EXOC4: variants seen among roughly 807,000 people sequenced by gnomAD.
The protein encoded by EXOC4 is SEC8-like 1.
In EXOC4, 71 loss-of-function variants were observed where a neutral mutation model predicts 107.2. The observed-to-expected ratio is 0.66, with a 90% CI of 0.55 to 0.81. EXOC4 has a LOEUF of 0.81. Among genes scored for constraint, EXOC4 ranks in the 30% least tolerant of loss-of-function variants. The pLI is 0.00. For missense variants in EXOC4, 1,108 were observed against 1,189.6 expected (o/e 0.93, Z 1.01); for synonymous variants, 456 against 441.2 (o/e 1.03, Z -0.42).
intron 9 of EXOC4, among the ~76,000 whole-genome samples, chr7:133,490,280 A>T (rs150526846): frequency 6.6e-6 from 1 of 152,290 alleles, no homozygotes; most frequent in Non-Finnish European, 1.5e-5. Context: ...TTCATGTTAC[A>T]TGCAGCCCTA....
At chr7:133,262,414 G>T (rs767926095) in intron 1 of EXOC4, among the ~76,000 whole-genome samples, 2 of 151,632 alleles carry the variant, frequency 1.3e-5, no homozygotes, top group Non-Finnish European at 2.9e-5. Context: ...ACATAGGTGT[G>T]TACAGTTTAA....
chr7:133,605,208 T>G (rs1231413468), intron 9 of EXOC4, among the ~76,000 whole-genome samples: 2 of 152,244 alleles, frequency 1.3e-5, no homozygotes, highest in Non-Finnish European at 2.9e-5. Flanking sequence ...CACACTATTG[T>G]CAGACTCTGC....
intron 9 of EXOC4, among the ~76,000 whole-genome samples, chr7:133,508,233 G>A (rs946636634): frequency 2.5e-4 from 38 of 152,002 alleles, no homozygotes; most frequent in African/African-American, 8.7e-4. Context: ...AGTATTTCCC[G>A]AGACAGTGTT....
At chr7:133,716,517 TA>T (rs1477507537) in intron 10 of EXOC4, among the ~76,000 whole-genome samples, 1 of 152,224 alleles carries the variant, frequency 6.6e-6, no homozygotes, top group Non-Finnish European at 1.5e-5. Context: ...CTTGAAAACA[TA>T]AAATGGTTTT....
intron 4 of EXOC4, among the ~76,000 whole-genome samples, 197 bp downstream of exon 4, chr7:133,306,258 T>C (rs1348926686): frequency 6.6e-6 from 1 of 152,218 alleles, no homozygotes; most frequent in Non-Finnish European, 1.5e-5. Context: ...ATTCATTCAT[T>C]CTACATTTAT....
At chr7:133,786,458 A>G (rs1315830716) in intron 10 of EXOC4, among the ~76,000 whole-genome samples, 1 of 152,208 alleles carries the variant, frequency 6.6e-6, no homozygotes, top group East Asian at 1.9e-4. Flanking sequence ...CCACCCAAAA[A>G]CTATCCATGT....
At chr7:133,825,405 A>G (rs1046447529) in intron 11 of EXOC4, among the ~76,000 whole-genome samples, 3 of 152,134 alleles carry the variant, frequency 2.0e-5, no homozygotes, top group African/African-American at 4.8e-5. Context: ...CTGTTAAGGC[A>G]GTAGGCCCAG....
intron 9 of EXOC4, among the ~76,000 whole-genome samples, chr7:133,554,810 T>A (rs2150945067): frequency 1.3e-5 from 2 of 152,338 alleles, no homozygotes; most frequent in African/African-American, 4.8e-5. Context: ...GAGATCCTTA[T>A]GGGTAAGGGA....
At chr7:133,548,869 G>T (rs1800534297) in intron 9 of EXOC4, among the ~76,000 whole-genome samples, 1 of 152,202 alleles carries the variant, frequency 6.6e-6, no homozygotes, top group Admixed American at 6.5e-5. Context: ...TGGTTCACTA[G>T]AGTAGCACTT....
chr7:133,902,046 G>T (rs1020263663), intron 12 of EXOC4, among the ~76,000 whole-genome samples: 1 of 152,160 alleles, frequency 6.6e-6, no homozygotes, highest in South Asian at 2.1e-4. Flanking sequence ...CCTATTCTTC[G>T]TGAGATCCTC....
chr7:133,788,105 A>T (rs904274005), intron 10 of EXOC4, among the ~76,000 whole-genome samples: 26 of 147,736 alleles, frequency 1.8e-4, no homozygotes, highest in Non-Finnish European at 3.3e-4. Context: ...TCTGCTTTAC[A>T]TGCTGTTGCT....
chr7:133,686,649 A>C lies in EXOC4; in HGVS notation c.1514+56508A>C, dbSNP rs145971534. On this transcript the variant is annotated intron_variant, in intron 10 of 17. Transcript: ENST00000253861. ...CATCACTAATGATCAGGGAAATGCA[A>C]ATCAAAACCACAATGCGATACCACC... 5.9e-3 allele frequency among the ~76,000 whole-genome samples: 904 copies of C among 152,292 alleles called. 5 individuals carry two copies. The highest frequency in any genetic ancestry group is 7.5e-3 in the South Asian group (36 of 4,830).
intron 9 of EXOC4, among the ~76,000 whole-genome samples, chr7:133,576,206 G>T (rs1011969839): frequency 6.6e-6 from 1 of 152,136 alleles, no homozygotes; most frequent in African/African-American, 2.4e-5. Context: ...AAATTCTCAA[G>T]ATGTTAATGC....
intron 17 of EXOC4, among the ~76,000 whole-genome samples, chr7:134,044,666 C>T (rs536415976): frequency 1.3e-5 from 2 of 152,338 alleles, no homozygotes; most frequent in Admixed American, 6.5e-5. Context: ...TCCTCCTTCG[C>T]TTTAATGTAG....
At chr7:133,838,052 G>A (rs1337659587) in intron 11 of EXOC4, among the ~76,000 whole-genome samples, 1 of 152,132 alleles carries the variant, frequency 6.6e-6, no homozygotes, top group African/African-American at 2.4e-5. Context: ...TTTATAACAT[G>A]TTTATTTTCA....
At chr7:133,333,060 T>C (rs868031085) in intron 5 of EXOC4, among the ~76,000 whole-genome samples, 2 of 152,230 alleles carry the variant, frequency 1.3e-5, no homozygotes, top group African/African-American at 4.8e-5. Context: ...ATAGCAATTA[T>C]CAGGCGTTGG....
intron 7 of EXOC4, among the ~76,000 whole-genome samples, chr7:133,441,150 A>C (rs1332421458): frequency 1.3e-5 from 2 of 152,242 alleles, no homozygotes; most frequent in Non-Finnish European, 2.9e-5. Flanking sequence ...GGGGAGTTAC[A>C]GGAAAGTAGA....
chr7:133,358,079 T>C (rs1158751595), intron 6 of EXOC4, among the ~76,000 whole-genome samples: 1 of 152,022 alleles, frequency 6.6e-6, no homozygotes, highest in Non-Finnish European at 1.5e-5. Flanking sequence ...TCCCAGCTAC[T>C]TGGGAGTCTG....
At chr7:133,678,366 C>G (rs1794111443) in intron 10 of EXOC4, among the ~76,000 whole-genome samples, 2 of 152,322 alleles carry the variant, frequency 1.3e-5, no homozygotes, top group South Asian at 4.1e-4. Flanking sequence ...TGGAATTACC[C>G]TCTTCACAGC....
Sources: allele counts gnomAD v4.1 joint callset (sites outside exome capture counted in the v4.1 genomes callset), GRCh38; gene constraint gnomAD v4.1.1; transcripts MANE v1.5; gene names NCBI Gene and HGNC (gene_info 2026-07-23, HGNC 2026-07-21).